LMNA: variants seen among roughly 807,000 people sequenced by gnomAD.
LMNA encodes lamin.
LMNA carries 20 observed loss-of-function variants against 70.4 expected under a neutral mutation model. That is an observed-to-expected ratio of 0.28 (90% CI 0.20 to 0.41). LMNA has a LOEUF of 0.41. Among genes scored for constraint, LMNA ranks in the 10% least tolerant of loss-of-function variants. The pLI, the probability that LMNA is intolerant of heterozygous loss-of-function variation, is 1.00. For synonymous variants in LMNA, 339 were observed against 372.8 expected (o/e 0.91, Z 1.04); for missense variants, 652 against 917.2 (o/e 0.71, Z 3.73).
intron 3 of LMNA, among the ~76,000 whole-genome samples, chr1:156,105,494 C>A (rs953454278): frequency 2.6e-5 from 4 of 152,192 alleles, no homozygotes; most frequent in African/African-American, 4.8e-5. Context: ...GATTCACCAC[C>A]ACCCTCCTGG....
chr1:156,130,852 T>C, intron 2 of LMNA, 79 bp downstream of exon 2: 2 of 1,395,812 alleles, frequency 1.4e-6, no homozygotes, highest in Non-Finnish European at 2.0e-6. Context: ...CCCTCCCCCA[T>C]GTGGTGCCTG....
At chr1:156,116,919 A>G (rs1476786680) in intron 1 of LMNA, among the ~76,000 whole-genome samples, 1 of 150,528 alleles carries the variant, frequency 6.6e-6, no homozygotes, top group East Asian at 2.0e-4. Context: ...GACAGGCTTA[A>G]CGGTTTTTTT....
In LMNA at chr1:156,136,344, T is replaced by C. The variant is rs1303965269; in HGVS notation, c.1288T>C (p.Phe430Leu). 1 of 1,612,310 alleles carries C rather than the reference T, an allele frequency of 6.2e-7. No homozygotes were observed. Among genetic ancestry groups the C allele is most frequent in the East Asian group, 2.2e-5 (1 of 44,886 alleles). ...KLESTESRSS[F>L]SQHARTSGRV... ...GGAGTCCACTGAGAGCCGCAGCAGC[T>C]TCTCACAGCACGCACGCACTAGCGG... Residue 430 changes from phenylalanine (F) to leucine (L), a missense_variant, in exon 7 of 12, where the codon TTC (phenylalanine) becomes CTC (leucine). Phe to Leu is a conservative substitution (Grantham distance 22, BLOSUM62 0). This residue lies in a region of LMNA where 327 missense variants were observed against 387.6 expected (regional missense o/e 0.84). Transcript: ENST00000368300. This position sits in a 1 kb window ranked among gnomAD's most constrained non-coding sequence, Gnocchi z 6.1.
At chr1:156,092,750 A>G (rs1648755189) in intron 3 of LMNA, among the ~76,000 whole-genome samples, 1 of 151,070 alleles carries the variant, frequency 6.6e-6, no homozygotes, top group Non-Finnish European at 1.5e-5. Flanking sequence ...CGTTGCCATC[A>G]GATTCACACT....
In LMNA at chr1:156,136,586, G is replaced by A; in HGVS notation, c.1380+150G>A. ...TATCTCCTCCACACTCTGGTTCCAG[G>A]CCTGGCTCCTGGACTCTTTGGCTGT... is the stretch of plus-strand genomic sequence containing the variant. On this transcript the variant is annotated intron_variant, in intron 7 of 11. Coordinates refer to ENST00000368300, the MANE Select transcript of LMNA (RefSeq NM_170707.4). The surrounding 1 kb of genome is among the most constrained non-coding windows in gnomAD (Gnocchi z 6.1). 4.7e-6 allele frequency: 4 copies of A among 856,900 alleles called. No individual in the cohort carries two copies. The highest frequency in any genetic ancestry group is 1.4e-5 in the South Asian group (1 of 69,288). 53.1% of individuals were successfully genotyped at this position (856,900 alleles called of 1,614,324 possible).
chr1:156,135,017 GC>G lies in LMNA; in HGVS notation c.810+43del. On this transcript the variant is annotated intron_variant, in intron 4 of 11. Transcript: ENST00000368300. This position sits in a 1 kb window ranked among gnomAD's most constrained non-coding sequence, Gnocchi z 4.8. ...GGTTCCCTCACTGCCTCTGCCCTTG[GC>G]AGCCCTACCCTTACCCACGCTGGGC... 1 of 1,613,606 alleles carries G rather than the reference GC, an allele frequency of 6.2e-7. No homozygotes were observed. Among genetic ancestry groups the G allele is most frequent in the South Asian group, 1.1e-5 (1 of 91,020 alleles).
intron 3 of LMNA, among the ~76,000 whole-genome samples, chr1:156,091,527 G>A (rs894607826): frequency 6.6e-6 from 1 of 152,090 alleles, no homozygotes; most frequent in Non-Finnish European, 1.5e-5. Context: ...TCTTGAACCT[G>A]GGAGACAGAG....
At chr1:156,094,176 A>T (rs1416320451) in intron 3 of LMNA, among the ~76,000 whole-genome samples, 2 of 152,194 alleles carry the variant, frequency 1.3e-5, no homozygotes, top group Non-Finnish European at 2.9e-5. Context: ...AGTCACCGCT[A>T]GTAAAATGAG....
chr1:156,110,184 G>A (rs191684328), upstream of LMNA, among the ~76,000 whole-genome samples: 18 of 152,152 alleles, frequency 1.2e-4, no homozygotes, highest in African/African-American at 3.6e-4. Flanking sequence ...AGCTCCTACC[G>A]TGTTCTAACA....
chr1:156,128,937 G>A (rs1650811295), intron 1 of LMNA, among the ~76,000 whole-genome samples: 2 of 152,314 alleles, frequency 1.3e-5, no homozygotes, highest in East Asian at 1.9e-4. Flanking sequence ...TTTACCAGCG[G>A]TTTTTCTTCA....
Position 156,137,035 on chromosome 1 carries a change from G to A in LMNA, c.1488+7G>A, listed in dbSNP as rs374209100. On this transcript the variant is annotated splice_region_variant and intron_variant, in intron 8 of 11. Coordinates refer to ENST00000368300, the MANE Select transcript of LMNA (RefSeq NM_170707.4). The surrounding 1 kb of genome is among the most constrained non-coding windows in gnomAD (Gnocchi z 4.6). ...GGCTGGGCAGGTGGTGACGGTGAGT[G>A]GCAGGGCGCTTGGGACTCTGGGGAG... is the stretch of plus-strand genomic sequence containing the variant. 18 of 1,614,068 alleles carry A rather than the reference G, an allele frequency of 1.1e-5. No homozygotes were observed. In the African/African-American group the frequency reaches 1.6e-4, roughly 14 times the overall value.
At chr1:156,120,023 G>A (rs1195652327) in intron 1 of LMNA, among the ~76,000 whole-genome samples, 1 of 152,186 alleles carries the variant, frequency 6.6e-6, no homozygotes, top group Non-Finnish European at 1.5e-5. Context: ...ATGTGAAACT[G>A]ATGGAGGAAG....
chr1:156,129,644 G>A (rs1650874952), intron 1 of LMNA, among the ~76,000 whole-genome samples: 1 of 152,138 alleles, frequency 6.6e-6, no homozygotes, highest in South Asian at 2.1e-4. Flanking sequence ...CCCTATATTT[G>A]TGAAGCAATT....
In LMNA at chr1:156,092,679, C is replaced by CA. The variant is rs1189267703; in HGVS notation, c.-207+2113dup. On this transcript the variant is annotated intron_variant, in intron 3 of 12. Coordinates refer to the LMNA transcript ENST00000368301. ...TAGACAACAGAGCGAGACTCCATCTCAAAAAAAAAAAAAAAATGTGATCAT... is the reference window on the plus strand; with the variant it reads ...TAGACAACAGAGCGAGACTCCATCTCAAAAAAAAAAAAAAAAATGTGATCAT... 3.0e-3 allele frequency among the ~76,000 whole-genome samples: 308 copies of CA among 103,092 alleles called. 3 individuals are homozygous for CA. The highest frequency in any genetic ancestry group is 6.7e-3 in the East Asian group (24 of 3,570). 67.6% of individuals were successfully genotyped at this position (103,092 alleles called of 152,430 possible). A position where few individuals can be genotyped will look rare whatever the true frequency, so the allele number is the denominator to read the frequency against.
At position 156,138,366 on chromosome 1, in the gene LMNA, T is replaced by G. The variant is rs1427493490; in HGVS notation, c.1699-122T>G. On this transcript the variant is annotated intron_variant, in intron 10 of 11. Transcript: ENST00000368300. The surrounding 1 kb of genome is among the most constrained non-coding windows in gnomAD (Gnocchi z 5.5). ...AAACCCCCATTGCCCGCTGGCTCCT[T>G]GGGCACAGAACCACACCTTCCTGCC... 8.6e-7 allele frequency: 1 copy of G among 1,157,858 alleles called. No individual in the cohort carries two copies. The highest frequency in any genetic ancestry group is 1.2e-6 in the Non-Finnish European group (1 of 822,568). 71.7% of individuals were successfully genotyped at this position (1,157,858 alleles called of 1,614,324 possible). A position where few individuals can be genotyped will look rare whatever the true frequency, so the allele number is the denominator to read the frequency against.
At chr1:156,131,522 C>G (rs746342811) in intron 2 of LMNA, among the ~76,000 whole-genome samples, 2 of 151,710 alleles carry the variant, frequency 1.3e-5, no homozygotes, top group Non-Finnish European at 2.9e-5. Flanking sequence ...CCTGAGAGGT[C>G]GAGGATACAG....
At chr1:156,129,285 C>T (rs1397961833) in intron 1 of LMNA, among the ~76,000 whole-genome samples, 1 of 152,156 alleles carries the variant, frequency 6.6e-6, no homozygotes, top group Non-Finnish European at 1.5e-5. Flanking sequence ...TATCCTCCTC[C>T]CTGCCTGGTG....
chr1:156,093,299 ATTTTTTTTTT>A (rs758670532), intron 3 of LMNA, among the ~76,000 whole-genome samples: 1 of 113,946 alleles, frequency 8.8e-6, no homozygotes, highest in Non-Finnish European at 1.7e-5. Context: ...TTATATGTCA[ATTTTTTTTTT>A]TTTTTTTTTT....
rs1651809318 is a variant in LMNA at position 156,137,837 on chromosome 1, CT to C, written c.1698+98del. On this transcript the variant is annotated intron_variant, in intron 10 of 11. Coordinates refer to ENST00000368300, the MANE Select transcript of LMNA (RefSeq NM_170707.4). This position sits in a 1 kb window ranked among gnomAD's most constrained non-coding sequence, Gnocchi z 4.6. Reference sequence around the variant, plus strand: ...TCCCCAGCCTCCCCGTGCCAAAAATCTTTTCATTAAAGAATGTTTTGGAACT... The same window carrying C: ...TCCCCAGCCTCCCCGTGCCAAAAATCTTTCATTAAAGAATGTTTTGGAACT... 1 of 1,538,992 alleles carries C rather than the reference CT, an allele frequency of 6.5e-7. No homozygotes were observed. The highest frequency in any genetic ancestry group is 1.4e-5 in the African/African-American group (1 of 72,894).
Sources: allele counts gnomAD v4.1 joint callset (sites outside exome capture counted in the v4.1 genomes callset), GRCh38; gene constraint gnomAD v4.1.1; regional missense constraint gnomAD v4.1.1; non-coding constraint Gnocchi (gnomAD v3.1); transcripts MANE v1.5; gene names NCBI Gene and HGNC (gene_info 2026-07-23, HGNC 2026-07-21).